Variants in MAML2 observed in about 807,000 individuals in gnomAD.
MAML2 encodes mastermind-like protein 2.
A neutral mutation model predicts 96.1 loss-of-function variants in MAML2; 22 were observed. The ratio of observed to expected loss-of-function variants is 0.23; its 90% CI spans 0.16 to 0.33. MAML2 has a LOEUF of 0.33. Among genes scored for constraint, MAML2 ranks in the 10% least tolerant of loss-of-function variants. MAML2 has a pLI of 1.00. For synonymous variants in MAML2, 561 were observed against 521.3 expected, an observed-to-expected ratio of 1.08 and a Z score of -1.04; for missense variants, 1,367 against 1,392.4, an observed-to-expected ratio of 0.98 and a Z score of 0.29.
chr11:96,155,509 A>AATATATATATATATATATATAT lies in MAML2; in HGVS notation c.514-62014_514-61993dup, dbSNP rs56860340. On this transcript the variant is annotated intron_variant, in intron 1 of 4. Transcript: ENST00000524717. The stretch of plus-strand genomic sequence containing the variant: ...ACCTCATGGGCGCTGTAACAATTCA[A>AATATATATATATATATATATAT]ATATATATATATATATATATATATA... 1.0e-3 allele frequency among the ~76,000 whole-genome samples: 78 copies of AATATATATATATATATATATAT among 74,794 alleles called. 3 individuals carry two copies. Among genetic ancestry groups the AATATATATATATATATATATAT allele is most frequent in the Non-Finnish European group, 1.3e-3 (53 of 39,990 alleles). 49.1% of individuals were successfully genotyped at this position (74,794 alleles called of 152,430 possible).
intron 1 of MAML2, among the ~76,000 whole-genome samples, chr11:96,144,100 T>C (rs1246422230): frequency 6.6e-6 from 1 of 152,168 alleles, no homozygotes; most frequent in Non-Finnish European, 1.5e-5. Context: ...AAGTATGACA[T>C]AAAGAAATGA....
intron 1 of MAML2, among the ~76,000 whole-genome samples, chr11:96,257,535 G>T (rs1363003307): frequency 6.6e-6 from 1 of 152,158 alleles, no homozygotes; most frequent in Non-Finnish European, 1.5e-5. Flanking sequence ...TCCCTTTCAA[G>T]GTATTTGTTC....
At chr11:96,253,878 C>T (rs1459955084) in intron 1 of MAML2, among the ~76,000 whole-genome samples, 1 of 152,140 alleles carries the variant, frequency 6.6e-6, no homozygotes, top group African/African-American at 2.4e-5. Context: ...TGTGACTGCT[C>T]CAGATAGATT....
In MAML2 at chr11:96,224,711, A is replaced by G. The variant is rs7947120; in HGVS notation, c.513+116672T>C. Among the ~76,000 whole-genome samples the G allele has an allele frequency of 7.9e-3, 1,199 of 152,318 alleles. 15 individuals carry two copies. The highest frequency in any genetic ancestry group is 0.023 in the African/African-American group (964 of 41,586). Reference sequence around the variant, plus strand: ...ATCTTTGTCACCTCTGCATAAGTGTATCCCCTTCCCAGAGCACATGACATA... The same window carrying G: ...ATCTTTGTCACCTCTGCATAAGTGTGTCCCCTTCCCAGAGCACATGACATA... On this transcript the variant is annotated intron_variant, in intron 1 of 4. Coordinates refer to ENST00000524717, the MANE Select transcript of MAML2 (RefSeq NM_032427.4).
chr11:95,993,985 G>C (rs1015400983), intron 2 of MAML2, among the ~76,000 whole-genome samples: 4 of 152,206 alleles, frequency 2.6e-5, no homozygotes, highest in African/African-American at 9.7e-5. Context: ...TCACATAGCT[G>C]TAAGTGGCCG....
chr11:96,203,182 C>T (rs1356821346), intron 1 of MAML2, among the ~76,000 whole-genome samples: 1 of 152,152 alleles, frequency 6.6e-6, no homozygotes, highest in Non-Finnish European at 1.5e-5. Context: ...GTGTTTTAGG[C>T]ACTGGGCATT....
intron 2 of MAML2, among the ~76,000 whole-genome samples, chr11:96,041,062 G>C (rs1339514601): frequency 6.6e-6 from 1 of 152,146 alleles, no homozygotes; most frequent in Non-Finnish European, 1.5e-5. Flanking sequence ...TACCCTTCCA[G>C]TTGCTGATGG....
At position 96,122,174 on chromosome 11, in the gene MAML2, C is replaced by T. The variant is rs117574362; in HGVS notation, c.514-28657G>A. Among the ~76,000 whole-genome samples, 632 of 151,926 alleles carry T rather than the reference C, an allele frequency of 4.2e-3. 10 individuals are homozygous for T. The highest frequency in any genetic ancestry group is 0.037 in the East Asian group (191 of 5,158). ...GTGTATGTTAACTACTGCCCTGGGG[C>T]GACAGCACAGAAAAGCTCACAATTC... On this transcript the variant is annotated intron_variant, in intron 1 of 4. Transcript: ENST00000524717.
In MAML2 at chr11:96,278,453, G is replaced by A. The variant is rs79959621; in HGVS notation, c.513+62930C>T. ...CTTAAGAAGCTTACAATGTAGTAAG[G>A]CGGACATCCCAACAAACCAGACATT... On this transcript the variant is annotated intron_variant, in intron 1 of 4. Transcript: ENST00000524717. 1.7e-3 allele frequency among the ~76,000 whole-genome samples: 256 copies of A among 152,262 alleles called. 2 individuals are homozygous for A. Among genetic ancestry groups the A allele is most frequent in the African/African-American group, 6.0e-3 (249 of 41,558 alleles).
At chr11:96,061,718 G>T (rs1859162209) in intron 2 of MAML2, among the ~76,000 whole-genome samples, 1 of 151,996 alleles carries the variant, frequency 6.6e-6, no homozygotes, top group African/African-American at 2.4e-5. Flanking sequence ...AATTTTTTCA[G>T]ATAAGAAATT....
chr11:96,154,511 T>C (rs760466117), intron 1 of MAML2, among the ~76,000 whole-genome samples: 2 of 152,242 alleles, frequency 1.3e-5, no homozygotes, highest in Non-Finnish European at 2.9e-5. Flanking sequence ...TTGTAGGCTG[T>C]CTTATCAGTG....
intron 2 of MAML2, among the ~76,000 whole-genome samples, chr11:96,058,319 T>TGTTTTGTTGTTTTGTTTC: frequency 6.6e-6 from 1 of 152,156 alleles, no homozygotes; most frequent in Non-Finnish European, 1.5e-5. Context: ...TGTTTTGTTT[T>TGTTTTGTTGTTTTGTTTC]GCTTGTTTTG....
chr11:96,092,039 TTGCTGCTGC>T lies in MAML2; in HGVS notation c.1983_1991del (p.Gln663_Gln665del). On this transcript the variant is annotated inframe_deletion, in exon 2 of 5. Transcript: ENST00000524717. This position sits in a 1 kb window ranked among gnomAD's most constrained non-coding sequence, Gnocchi z 4.1. The stretch of plus-strand genomic sequence containing the variant: ...ATTGGGCAGGCTGAGAAGATGGTTG[TTGCTGCTGC>T]TGCTGCTGCTGTTGTTGCTGTTGTT... 1 of 1,557,832 alleles carries T rather than the reference TTGCTGCTGC, an allele frequency of 6.4e-7. No homozygotes were observed. Among genetic ancestry groups the T allele is most frequent in the Non-Finnish European group, 8.7e-7 (1 of 1,150,524 alleles).
At chr11:96,170,603 T>A (rs1251493360) in intron 1 of MAML2, among the ~76,000 whole-genome samples, 1 of 152,158 alleles carries the variant, frequency 6.6e-6, no homozygotes, top group African/African-American at 2.4e-5. Context: ...GGGGTAGATG[T>A]TTGATGCGTG....
Position 96,343,038 on chromosome 11 carries a change from C to T in MAML2, c.-1143G>A. 2.5e-6 allele frequency: 1 copy of T among 396,418 alleles called. No individual in the cohort carries two copies. 24.6% of individuals were successfully genotyped at this position (396,418 alleles called of 1,614,324 possible). On this transcript the variant is annotated 5_prime_UTR_variant, in exon 1 of 5. Coordinates refer to ENST00000524717, the MANE Select transcript of MAML2 (RefSeq NM_032427.4). The stretch of plus-strand genomic sequence containing the variant: ...AATCTGGTTCTATCTCCTGTATTTG[C>T]TCCGCTTTATAGATGGAAAAAAAAA...
intron 2 of MAML2, among the ~76,000 whole-genome samples, chr11:96,090,171 T>C (rs891954218): frequency 6.6e-6 from 1 of 152,086 alleles, no homozygotes; most frequent in Non-Finnish European, 1.5e-5. Flanking sequence ...TAAACTGCAA[T>C]ACACTCAAGC....
chr11:96,174,981 G>A (rs190907088), intron 1 of MAML2, among the ~76,000 whole-genome samples: 20 of 152,254 alleles, frequency 1.3e-4, no homozygotes, highest in African/African-American at 4.8e-4. Flanking sequence ...CAGCATTTCC[G>A]AGCACTTTGG....
intron 1 of MAML2, among the ~76,000 whole-genome samples, chr11:96,286,080 C>T (rs2135988884): frequency 6.6e-6 from 1 of 152,298 alleles, no homozygotes; most frequent in African/African-American, 2.4e-5. Flanking sequence ...AACCCAAATG[C>T]CCATCAATGG....
rs1238474117 is a variant in MAML2 at position 96,342,079 on chromosome 11, G to A, written c.-184C>T. The A allele has an allele frequency of 3.4e-6, 2 of 588,404 alleles. No homozygotes were observed. Among genetic ancestry groups the A allele is most frequent in the African/African-American group, 3.7e-5 (2 of 53,886 alleles). 36.4% of individuals were successfully genotyped at this position (588,404 alleles called of 1,614,324 possible). A position where few individuals can be genotyped will look rare whatever the true frequency, so the allele number is the denominator to read the frequency against. On this transcript the variant is annotated 5_prime_UTR_variant, in exon 1 of 5. Transcript: ENST00000524717. ...TGGGGGAGGGGAGTTAGTAAAAAGA[G>A]GGTGGGGAGAAAGAATAGAAACCAA...
Sources: gnomAD v4.1 joint callset for allele counts (sites outside exome capture counted in the v4.1 genomes callset) on GRCh38, gnomAD v4.1.1 for gene constraint, Gnocchi (gnomAD v3.1) non-coding constraint, MANE v1.5 for transcripts, NCBI Gene and HGNC (gene_info 2026-07-23, HGNC 2026-07-21) for gene names.